EFCC1: variants seen among roughly 807,000 people sequenced by gnomAD.
EFCC1 encodes EF-hand and coiled-coil domain-containing protein 1.
Under a neutral mutation model 52.1 loss-of-function variants are expected in EFCC1, and 50 were observed. The ratio of observed to expected loss-of-function variants is 0.96; its 90% CI spans 0.76 to 1.21. EFCC1 has a LOEUF of 1.21. Among genes scored for constraint, EFCC1 ranks in the 50% most tolerant of loss-of-function variants. The pLI is 0.00. For missense variants in EFCC1, 837 were observed against 867.3 expected, an observed-to-expected ratio of 0.97 and a Z score of 0.44; for synonymous variants, 399 against 396.5, an observed-to-expected ratio of 1.01 and a Z score of -0.08.
chr3:129,007,301 C>T (rs554509102), intron 2 of EFCC1, among the ~76,000 whole-genome samples: 1 of 152,332 alleles, frequency 6.6e-6, no homozygotes, highest in Non-Finnish European at 1.5e-5. Context: ...GAATCAGCCC[C>T]GTCCTCTGCA....
At chr3:129,015,295 C>G (rs1489183656) in intron 2 of EFCC1, among the ~76,000 whole-genome samples, 1 of 152,160 alleles carries the variant, frequency 6.6e-6, no homozygotes, top group Non-Finnish European at 1.5e-5. Flanking sequence ...CAGGTCTTGC[C>G]AGACCCCAAC....
At chr3:129,029,091 G>A (rs964483839) in intron 2 of EFCC1, among the ~76,000 whole-genome samples, 2 of 152,084 alleles carry the variant, frequency 1.3e-5, no homozygotes, top group Admixed American at 1.3e-4. Context: ...TGCGATTCGA[G>A]TTCTCCCGTG....
At chr3:129,029,171 G>C (rs6801858) in intron 2 of EFCC1, among the ~76,000 whole-genome samples, 1 of 152,110 alleles carries the variant, frequency 6.6e-6, no homozygotes, top group Admixed American at 6.6e-5. Flanking sequence ...GGGTTCTATC[G>C]GGTTGTTACG....
intron 5 of EFCC1, among the ~76,000 whole-genome samples, chr3:129,035,550 G>A (rs1946344408): frequency 6.6e-6 from 1 of 152,230 alleles, no homozygotes; most frequent in South Asian, 2.1e-4. Context: ...CAGTAGATTG[G>A]ACAAAGACCA....
intron 2 of EFCC1, among the ~76,000 whole-genome samples, chr3:129,028,811 G>A (rs1272455780): frequency 2.0e-5 from 3 of 151,214 alleles, no homozygotes; most frequent in African/African-American, 7.3e-5. Context: ...CCCAGCTAAT[G>A]TTTCTATTTT....
intron 2 of EFCC1, among the ~76,000 whole-genome samples, chr3:129,026,688 C>G (rs960475166): frequency 5.9e-5 from 9 of 152,140 alleles, no homozygotes; most frequent in African/African-American, 2.2e-4. Context: ...TGACCTTATT[C>G]CCTTGTGTCT....
rs891639434 is a variant in EFCC1 at position 129,034,205 on chromosome 3, G to C, written c.1328G>C (p.Gly443Ala). 4 of 1,614,236 alleles carry C rather than the reference G, an allele frequency of 2.5e-6. No homozygotes were observed. Among genetic ancestry groups the C allele is most frequent in the Non-Finnish European group, 3.4e-6 (4 of 1,180,040 alleles). ...GCGGAGAAGCTCATGACTTACTTTG[G>C]TCACTTCGGCGGTGCCAACCATGCC... is the stretch of plus-strand genomic sequence containing the variant. ...QTAEKLMTYF[G>A]HFGGANHAHT... Residue 443 changes from glycine to alanine, a missense_variant, in exon 5 of 8, where the codon GGT (glycine) becomes GCT (alanine). By Grantham distance (60) the Gly-to-Ala change is moderately conservative (BLOSUM62 0). Transcript: ENST00000683648.
intron 2 of EFCC1, among the ~76,000 whole-genome samples, chr3:129,024,557 A>C (rs1946016662): frequency 6.6e-6 from 1 of 152,052 alleles, no homozygotes; most frequent in Non-Finnish European, 1.5e-5. Context: ...AAAAAGAAAA[A>C]GAAAAACAGA....
chr3:129,034,636 T>C (rs1946333782), intron 5 of EFCC1, among the ~76,000 whole-genome samples: 1 of 152,174 alleles, frequency 6.6e-6, no homozygotes, highest in Non-Finnish European at 1.5e-5. Context: ...CTATCTGCTG[T>C]GTTTTTCTGT....
intron 2 of EFCC1, among the ~76,000 whole-genome samples, chr3:129,015,366 A>C (rs1251066109): frequency 1.3e-5 from 2 of 151,404 alleles, no homozygotes; most frequent in East Asian, 3.9e-4. Context: ...CGGCCCCTGG[A>C]CTTTTCTGTC....
chr3:129,011,011 C>T (rs1576720876), intron 2 of EFCC1, among the ~76,000 whole-genome samples: 1 of 152,116 alleles, frequency 6.6e-6, no homozygotes, highest in African/African-American at 2.4e-5. Flanking sequence ...TCAGTTTCCT[C>T]GGCTATAAAG....
chr3:129,039,658 T>C, intron 7 of EFCC1, 54 bp from the exon 8 acceptor site: 7 of 1,521,766 alleles, frequency 4.6e-6, no homozygotes, highest in Non-Finnish European at 6.2e-6. Context: ...AGTGGCTCTG[T>C]GGGTGAAGGT....
chr3:129,005,652 G>A (rs1161469203), intron 2 of EFCC1, among the ~76,000 whole-genome samples: 1 of 152,218 alleles, frequency 6.6e-6, no homozygotes, highest in African/African-American at 2.4e-5. Context: ...ATCCTGAGAG[G>A]AAGGTGGTCT....
Position 129,037,096 on chromosome 3 carries a change from C to T in EFCC1, c.1572C>T (p.Leu524=), listed in dbSNP as rs759564294. The change falls in exon 6 of 8, where the codon CTC becomes CTT. Residue 524 remains leucine, a synonymous_variant. Transcript: ENST00000683648. The stretch of plus-strand genomic sequence containing the variant: ...AGAAGCTGGTGGACGTGCTGCAGCT[C>T]CTGCAGAGGCTCCGGGACCTGGTAG... ...LEEKLVDVLQ[L]LQRLRDLNIS... is the part of the protein sequence containing the mutation. 18 of 1,610,302 alleles carry T rather than the reference C, an allele frequency of 1.1e-5. No homozygotes were observed. Among genetic ancestry groups the T allele is most frequent in the Non-Finnish European group, 1.5e-5 (18 of 1,178,920 alleles).
chr3:129,039,577 A>G, intron 7 of EFCC1, 135 bp from the exon 8 acceptor site: 1 of 1,367,214 alleles, frequency 7.3e-7, no homozygotes, highest in Non-Finnish European at 9.9e-7. Context: ...TGGTCCACAG[A>G]GCGAGGAAGC....
intron 2 of EFCC1, among the ~76,000 whole-genome samples, chr3:129,019,441 C>G (rs559540698): frequency 6.6e-6 from 1 of 152,180 alleles, no homozygotes; most frequent in Non-Finnish European, 1.5e-5. Flanking sequence ...GCTCATCAGT[C>G]CAATAATTCC....
At chr3:129,012,383 C>T (rs1357540318) in intron 2 of EFCC1, among the ~76,000 whole-genome samples, 1 of 152,122 alleles carries the variant, frequency 6.6e-6, no homozygotes, top group Non-Finnish European at 1.5e-5. Flanking sequence ...GATGAGCTTT[C>T]GACCCCTGTG....
chr3:129,025,850 G>A (rs1172607261), intron 2 of EFCC1, among the ~76,000 whole-genome samples: 5 of 152,212 alleles, frequency 3.3e-5, no homozygotes, highest in African/African-American at 4.8e-5. Context: ...CTCTCCAGAT[G>A]GCTCTGTTCT....
intron 2 of EFCC1, among the ~76,000 whole-genome samples, chr3:129,030,200 A>G (rs1476893673): frequency 6.6e-6 from 1 of 152,108 alleles, no homozygotes; most frequent in Non-Finnish European, 1.5e-5. Context: ...CAAACAAACA[A>G]ACAAAAAGTA....
Sources: allele counts gnomAD v4.1 joint callset (sites outside exome capture counted in the v4.1 genomes callset), GRCh38; gene constraint gnomAD v4.1.1; transcripts MANE v1.5; gene names NCBI Gene and HGNC (gene_info 2026-07-23, HGNC 2026-07-21).